The following TTC34 variants were observed in gnomAD, a reference collection of about 807,000 sequenced individuals.
The protein encoded by TTC34 is tetratricopeptide repeat domain 34.
A neutral mutation model predicts 40.7 loss-of-function variants in TTC34; 44 were observed. The observed-to-expected ratio is 1.08, with a 90% confidence interval of 0.85 to 1.39. The LOEUF is 1.39. Ranked by LOEUF, TTC34 falls within the 40% of genes most tolerant of loss-of-function variation. TTC34 has a pLI of 0.00. For synonymous variants in TTC34, 422 were observed against 398.6 expected (o/e 1.06, Z -0.70); for missense variants, 884 against 838.0 (o/e 1.05, Z -0.68).
chr1:2,777,871 T>C (rs906538692), intron 6 of TTC34, among the ~76,000 whole-genome samples: 2 of 152,166 alleles, frequency 1.3e-5, no homozygotes, highest in Admixed American at 1.3e-4. Context: ...GATCCTGTGG[T>C]ACCCCTTGGA....
At chr1:2,794,162 G>A (rs890488770) in intron 2 of TTC34, among the ~76,000 whole-genome samples, 2 of 151,938 alleles carry the variant, frequency 1.3e-5, no homozygotes, top group East Asian at 1.9e-4. Context: ...GCCTGGATAA[G>A]TTTTTTTGTA....
At chr1:2,800,746 T>C (rs1643764102) in exon 2 of TTC34, 2 of 398,872 alleles carry the variant, frequency 5.0e-6, no homozygotes, top group South Asian at 2.5e-4. Flanking sequence ...TAGAAGGCGG[T>C]GGCCAGGGGC....
chr1:2,764,240 C>G (rs1410724106), intron 6 of TTC34, among the ~76,000 whole-genome samples: 1 of 149,782 alleles, frequency 6.7e-6, no homozygotes, highest in Non-Finnish European at 1.5e-5. Context: ...GAGCATCTGA[C>G]AGCCTGGAGC....
chr1:2,751,388 T>C (rs1243327005), intron 6 of TTC34, among the ~76,000 whole-genome samples: 14 of 108,618 alleles, frequency 1.3e-4, no homozygotes, highest in East Asian at 3.0e-4. Flanking sequence ...CATCTGATGG[T>C]CTGGAGCAGC....
intron 6 of TTC34, among the ~76,000 whole-genome samples, chr1:2,687,576 A>G (rs1375371102): frequency 7.2e-6 from 1 of 139,188 alleles, no homozygotes; most frequent in Non-Finnish European, 1.5e-5. Context: ...CCGCCAGGTG[A>G]CGATCTGACA....
At chr1:2,695,983 A>G (rs1220799254) in intron 6 of TTC34, among the ~76,000 whole-genome samples, 10 of 86,802 alleles carry the variant, frequency 1.2e-4, no homozygotes, top group South Asian at 3.7e-4. Flanking sequence ...ATAGCCTGGA[A>G]CAGAACCCAC....
chr1:2,764,290 C>T (rs1641728146), intron 6 of TTC34, among the ~76,000 whole-genome samples: 1 of 146,876 alleles, frequency 6.8e-6, no homozygotes, highest in Non-Finnish European at 1.5e-5. Flanking sequence ...CAGCCTGGAG[C>T]AGCACACACA....
intron 6 of TTC34, among the ~76,000 whole-genome samples, chr1:2,749,630 A>G (rs1224471293): frequency 1.8e-5 from 2 of 108,584 alleles, no homozygotes; most frequent in Admixed American, 9.3e-5. Context: ...GATGGTCTGG[A>G]GCAGCCCCCA....
At chr1:2,790,490 T>G (rs1643651405) in intron 2 of TTC34, 144 bp from the exon 3 acceptor site, 1 of 397,098 alleles carries the variant, frequency 2.5e-6, no homozygotes, top group African/African-American at 2.1e-5. Context: ...AGTCTCCAGG[T>G]GGCCCTGGGT....
intron 5 of TTC34, 77 bp downstream of exon 5, chr1:2,785,742 C>G (rs1199818691): frequency 6.9e-7 from 1 of 1,453,012 alleles, no homozygotes; most frequent in African/African-American, 1.4e-5. Flanking sequence ...TCCCCACCAA[C>G]CAGCATGGCA....
At chr1:2,637,775 TG>T (rs1010213584) in exon 9 of TTC34, 2 of 152,206 alleles carry the variant, frequency 1.3e-5, no homozygotes, top group Non-Finnish European at 2.9e-5. Flanking sequence ...GCCATGGCCA[TG>T]GAAGAGTCCC....
intron 6 of TTC34, among the ~76,000 whole-genome samples, chr1:2,773,240 C>A (rs1327409611): frequency 6.1e-5 from 8 of 130,482 alleles, no homozygotes; most frequent in African/African-American, 2.1e-4. Flanking sequence ...ATCTGACAGC[C>A]TGGAGCAGCA....
chr1:2,751,075 C>T (rs1208969635), intron 6 of TTC34, among the ~76,000 whole-genome samples: 1 of 77,606 alleles, frequency 1.3e-5, no homozygotes, highest in South Asian at 5.1e-4. Flanking sequence ...CAGACTGGAA[C>T]ACCTCCCACA....
At chr1:2,660,812 G>A (rs1210856919) in intron 6 of TTC34, among the ~76,000 whole-genome samples, 6 of 92,842 alleles carry the variant, frequency 6.5e-5, no homozygotes, top group Non-Finnish European at 1.1e-4. Flanking sequence ...GCATCTGACA[G>A]CCTGGAACAG....
At chr1:2,755,391 A>C in intron 6 of TTC34, among the ~76,000 whole-genome samples, 2 of 57,132 alleles carry the variant, frequency 3.5e-5, no homozygotes, top group African/African-American at 1.6e-4. Context: ...CCCCCAGGTG[A>C]GCATTCGACA....
rs1249675936 is a variant in TTC34, at chr1:2,751,666, C to G, written c.2226+31943G>C. On this transcript the variant is annotated intron_variant, in intron 6 of 8. Transcript: ENST00000401095. ...CCCACACCCCCAGTTGAGCATTGGA[C>G]AGCCTGGATCAGCACCCACAACCCC... Among the ~76,000 whole-genome samples, 131 of 61,454 alleles carry G rather than the reference C, an allele frequency of 2.1e-3. 4 individuals carry two copies. Among genetic ancestry groups the G allele is most frequent in the Non-Finnish European group, 3.2e-3 (70 of 21,754 alleles). 40.3% of individuals were successfully genotyped at this position (61,454 alleles called of 152,430 possible). A position where few individuals can be genotyped will look rare whatever the true frequency, so the allele number is the denominator to read the frequency against.
At chr1:2,794,671 G>A (rs541086073) in intron 2 of TTC34, among the ~76,000 whole-genome samples, 28 of 152,250 alleles carry the variant, frequency 1.8e-4, no homozygotes, top group Admixed American at 5.9e-4. Context: ...CAGCCTCCTC[G>A]TAATTGATTT....
exon 9 of TTC34, chr1:2,639,637 T>C (rs1638858491): frequency 1.3e-5 from 2 of 152,416 alleles, no homozygotes; most frequent in Admixed American, 6.5e-5. Context: ...GAAGGGTGGA[T>C]GGGGAGCTGG....
intron 6 of TTC34, among the ~76,000 whole-genome samples, chr1:2,749,752 A>C (rs1481588905): frequency 1.9e-5 from 1 of 52,412 alleles, no homozygotes; most frequent in Non-Finnish European, 3.4e-5. Flanking sequence ...ACAGACTGGA[A>C]CAGCTCCCAC....
Sources: allele counts gnomAD v4.1 joint callset (sites outside exome capture counted in the v4.1 genomes callset), GRCh38; gene constraint gnomAD v4.1.1; transcripts MANE v1.5; gene names NCBI Gene and HGNC (gene_info 2026-07-23, HGNC 2026-07-21).